Variants in GPC6 observed in about 807,000 individuals in gnomAD.
GPC6 encodes glypican-6.
In GPC6, 14 loss-of-function variants were observed where a neutral mutation model predicts 55.2. That is an observed-to-expected ratio of 0.25 (90% CI 0.17 to 0.40). The LOEUF is 0.40. Ranked by LOEUF, GPC6 falls within the 10% of genes least tolerant of loss-of-function variation. GPC6 has a pLI of 1.00. For synonymous variants in GPC6, 278 were observed against 259.6 expected (o/e 1.07, Z -0.68); for missense variants, 641 against 708.5 (o/e 0.90, Z 1.08).
chr13:93,865,112 AT>A (rs1034497241), intron 3 of GPC6, among the ~76,000 whole-genome samples: 1 of 151,552 alleles, frequency 6.6e-6, no homozygotes, highest in African/African-American at 2.4e-5. Context: ...AGTCAGGGAG[AT>A]GTTTTAGAAG....
At chr13:93,754,702 T>TA (rs11373403) in intron 2 of GPC6, among the ~76,000 whole-genome samples, 32,305 of 146,688 alleles carry the variant, frequency 0.22, 3,754 homozygotes, top group Middle Eastern at 0.34. Flanking sequence ...ATTTTTTATT[T>TA]AAAAAAAAAA....
At chr13:94,074,282 G>T (rs982294736) in intron 4 of GPC6, among the ~76,000 whole-genome samples, 1 of 152,162 alleles carries the variant, frequency 6.6e-6, no homozygotes, top group African/African-American at 2.4e-5. Context: ...AAATACGTTT[G>T]CTCATTCCTC....
chr13:93,811,385 A>C (rs2138951434), intron 2 of GPC6, among the ~76,000 whole-genome samples: 1 of 152,314 alleles, frequency 6.6e-6, no homozygotes, highest in East Asian at 1.9e-4. Context: ...CACTGGTTAC[A>C]GCCCAGTTTG....
At chr13:93,291,447 A>C (rs1466459466) in intron 1 of GPC6, among the ~76,000 whole-genome samples, 1 of 152,178 alleles carries the variant, frequency 6.6e-6, no homozygotes, top group African/African-American at 2.4e-5. Flanking sequence ...CAAAACAAAG[A>C]GGCTAAAACT....
At chr13:93,400,104 C>G (rs2762106) in intron 1 of GPC6, among the ~76,000 whole-genome samples, 22,897 of 152,098 alleles carry the variant, frequency 0.15, 1,846 homozygotes, top group Middle Eastern at 0.17. Context: ...AAGTGGTTGA[C>G]GGGGAGATGC....
In GPC6 at chr13:93,565,652, G is replaced by A. The variant is rs117638592; in HGVS notation, c.319+20231G>A. Among the ~76,000 whole-genome samples, 177 of 152,074 alleles carry A rather than the reference G, an allele frequency of 1.2e-3. 2 individuals are homozygous for A. The East Asian group carries it at 0.027, about 23-fold the overall frequency. Reference sequence around the variant, plus strand: ...AAAACACATCTGGTCAGCTGGGCACGGTGGCTCACACCTTTAATCCCAGCA... The same window carrying A: ...AAAACACATCTGGTCAGCTGGGCACAGTGGCTCACACCTTTAATCCCAGCA... On this transcript the variant is annotated intron_variant, in intron 2 of 8. Coordinates refer to ENST00000377047, the MANE Select transcript of GPC6 (RefSeq NM_005708.5).
At chr13:93,609,976 T>C (rs764872547) in intron 2 of GPC6, among the ~76,000 whole-genome samples, 34 of 152,208 alleles carry the variant, frequency 2.2e-4, no homozygotes, top group Non-Finnish European at 2.8e-4. Flanking sequence ...CCCTGCCTTT[T>C]CTAATTACCT....
chr13:94,282,391 G>A (rs1892408665), intron 4 of GPC6, among the ~76,000 whole-genome samples: 1 of 152,142 alleles, frequency 6.6e-6, no homozygotes, highest in African/African-American at 2.4e-5. Flanking sequence ...GATCTCATGA[G>A]AACTCACTCA....
At chr13:94,183,398 T>C (rs935205505) in intron 4 of GPC6, among the ~76,000 whole-genome samples, 7 of 152,226 alleles carry the variant, frequency 4.6e-5, no homozygotes, top group Admixed American at 2.0e-4. Flanking sequence ...CATTCCTTTT[T>C]AGAGCTGTAT....
intron 6 of GPC6, among the ~76,000 whole-genome samples, chr13:94,319,879 G>A (rs1390452896): frequency 2.6e-5 from 4 of 152,098 alleles, no homozygotes; most frequent in African/African-American, 4.8e-5. Context: ...TGCTTAGGAT[G>A]TATTGGGCTT....
intron 6 of GPC6, among the ~76,000 whole-genome samples, chr13:94,349,007 A>C (rs1464599049): frequency 6.6e-6 from 1 of 152,184 alleles, no homozygotes; most frequent in East Asian, 1.9e-4. Context: ...TTGTTTTAAC[A>C]AATACATGTG....
intron 4 of GPC6, among the ~76,000 whole-genome samples, chr13:94,155,572 G>T (rs148108009): frequency 0.012 from 1,814 of 152,218 alleles, 23 homozygotes; most frequent in Middle Eastern, 0.038. Context: ...ATTCAGTGCA[G>T]GGTGTGGAGA....
intron 1 of GPC6, among the ~76,000 whole-genome samples, chr13:93,458,146 G>A (rs1322696565): frequency 6.6e-6 from 1 of 152,158 alleles, no homozygotes; most frequent in Non-Finnish European, 1.5e-5. Flanking sequence ...TAATTTATTT[G>A]TTTTGTAGAA....
chr13:93,428,742 T>C (rs1164781008), intron 1 of GPC6, among the ~76,000 whole-genome samples: 1 of 152,164 alleles, frequency 6.6e-6, no homozygotes, highest in African/African-American at 2.4e-5. Flanking sequence ...AGAGGAATGT[T>C]ATCAGGTGTT....
At chr13:93,741,288 T>C (rs150627719) in intron 2 of GPC6, among the ~76,000 whole-genome samples, 6,065 of 151,906 alleles carry the variant, frequency 0.04, 140 homozygotes, top group South Asian at 0.09. Flanking sequence ...CTAATATTTT[T>C]GTATTTTTAG....
At chr13:93,814,442 G>T (rs576082850) in intron 2 of GPC6, among the ~76,000 whole-genome samples, 14 of 152,248 alleles carry the variant, frequency 9.2e-5, no homozygotes, top group African/African-American at 3.1e-4. Context: ...AACATGGTCA[G>T]CCTTGATTTG....
chr13:94,215,051 A>G (rs1459254662), intron 4 of GPC6, among the ~76,000 whole-genome samples: 2 of 152,182 alleles, frequency 1.3e-5, no homozygotes, highest in Non-Finnish European at 2.9e-5. Context: ...TTTCTTCTCC[A>G]GCTCCTACTT....
intron 4 of GPC6, among the ~76,000 whole-genome samples, chr13:94,150,660 CACGCTCCTAATA>C (rs1233427506): frequency 2.6e-5 from 4 of 151,394 alleles, no homozygotes; most frequent in Non-Finnish European, 5.9e-5. Flanking sequence ...CTTTGATATC[CACGCTCCTAATA>C]AATGTGGTTT....
intron 3 of GPC6, among the ~76,000 whole-genome samples, chr13:93,880,005 C>G (rs1201192373): frequency 6.6e-6 from 1 of 151,070 alleles, no homozygotes; most frequent in Admixed American, 6.6e-5. Flanking sequence ...CAAATCAAAA[C>G]CACAATGAGA....
Sources: gnomAD v4.1 joint callset for allele counts (sites outside exome capture counted in the v4.1 genomes callset) on GRCh38, gnomAD v4.1.1 for gene constraint, MANE v1.5 for transcripts, NCBI Gene and HGNC (gene_info 2026-07-23, HGNC 2026-07-21) for gene names.